Variants in SNTG1 observed in about 807,000 individuals in gnomAD.
SNTG1 encodes gamma-1-syntrophin.
In SNTG1, 39 loss-of-function variants were observed where a neutral mutation model predicts 74.7. The observed-to-expected ratio is 0.52, with a 90% CI of 0.40 to 0.68. SNTG1 has a LOEUF of 0.68. SNTG1 is among the 30% of genes least tolerant of loss of function. SNTG1 has a pLI of 0.00. For synonymous variants in SNTG1, 254 were observed against 217.1 expected (o/e 1.17, Z -1.49); for missense variants, 685 against 609.5 (o/e 1.12, Z -1.30).
At chr8:50,407,589 G>T (rs2092895343) in intron 4 of SNTG1, among the ~76,000 whole-genome samples, 1 of 152,174 alleles carries the variant, frequency 6.6e-6, no homozygotes, top group Non-Finnish European at 1.5e-5. Flanking sequence ...GATTGTCTTT[G>T]CCTGACACTT....
chr8:50,788,930 A>T (rs945621788), intron 18 of SNTG1, among the ~76,000 whole-genome samples: 1 of 152,038 alleles, frequency 6.6e-6, no homozygotes, highest in Non-Finnish European at 1.5e-5. Flanking sequence ...TCAAGAATAC[A>T]GTTTCTACAA....
At chr8:50,678,902 A>G (rs149121472) in intron 15 of SNTG1, among the ~76,000 whole-genome samples, 3 of 152,230 alleles carry the variant, frequency 2.0e-5, no homozygotes, top group African/African-American at 7.2e-5. Flanking sequence ...TTCCAAGGAT[A>G]TATCTAAAGA....
intron 3 of SNTG1, among the ~76,000 whole-genome samples, chr8:50,396,937 A>C (rs566725385): frequency 6.6e-6 from 1 of 152,356 alleles, no homozygotes; most frequent in Non-Finnish European, 1.5e-5. Context: ...ATGCAAATTC[A>C]TAAACATTTT....
intron 2 of SNTG1, chr8:50,380,978 C>T (rs7823310): frequency 0.93 from 140,943 of 152,144 alleles, 65,841 homozygotes; most frequent in Non-Finnish European, 1. Flanking sequence ...AGGTCAGTGA[C>T]GTAATAATAG....
At chr8:50,556,150 T>A (rs576474408) in intron 12 of SNTG1, among the ~76,000 whole-genome samples, 1 of 152,286 alleles carries the variant, frequency 6.6e-6, no homozygotes, top group Admixed American at 6.5e-5. Flanking sequence ...TTATTCAGAG[T>A]GGCTCCAAAA....
intron 1 of SNTG1, among the ~76,000 whole-genome samples, chr8:50,077,951 G>A (rs1822045102): frequency 6.6e-6 from 1 of 152,020 alleles, no homozygotes; most frequent in South Asian, 2.1e-4. Flanking sequence ...CTAAATGTGT[G>A]ATGTGTGTAT....
chr8:50,528,883 T>C (rs2094243608), intron 9 of SNTG1, among the ~76,000 whole-genome samples: 1 of 151,682 alleles, frequency 6.6e-6, no homozygotes, highest in Non-Finnish European at 1.5e-5. Context: ...ATTTTCTTTA[T>C]TATTTTCTCT....
chr8:50,641,962 G>T (rs1226139281), intron 13 of SNTG1, among the ~76,000 whole-genome samples: 1 of 152,176 alleles, frequency 6.6e-6, no homozygotes, highest in African/African-American at 2.4e-5. Flanking sequence ...TATCTGACAA[G>T]ACTAGACCAT....
chr8:50,634,702 G>A (rs943223805), intron 13 of SNTG1, among the ~76,000 whole-genome samples: 1 of 151,926 alleles, frequency 6.6e-6, no homozygotes, highest in African/African-American at 2.4e-5. Context: ...GTGCACATTG[G>A]TGGTATGAGT....
chr8:50,512,742 CTCGT>C (rs1214988556), intron 9 of SNTG1, among the ~76,000 whole-genome samples: 26 of 152,206 alleles, frequency 1.7e-4, no homozygotes, highest in Non-Finnish European at 3.1e-4. Context: ...TCATGTAGTT[CTCGT>C]ACCTTGGTTT....
intron 2 of SNTG1, among the ~76,000 whole-genome samples, chr8:50,273,710 T>A (rs565624438): frequency 1.4e-4 from 22 of 152,284 alleles, no homozygotes; most frequent in African/African-American, 5.1e-4. Context: ...GGGTTAACAA[T>A]GGTGGTGACG....
At chr8:50,729,341 A>G (rs1563787547) in intron 17 of SNTG1, among the ~76,000 whole-genome samples, 2 of 152,186 alleles carry the variant, frequency 1.3e-5, no homozygotes. Context: ...TTCTCTCTAC[A>G]AGGGCCTCTG....
At chr8:50,636,257 A>G (rs1470575167) in intron 13 of SNTG1, among the ~76,000 whole-genome samples, 2 of 151,446 alleles carry the variant, frequency 1.3e-5, no homozygotes, top group Non-Finnish European at 2.9e-5. Context: ...TCGAGGACAG[A>G]TGGTGCAGGC....
intron 2 of SNTG1, among the ~76,000 whole-genome samples, chr8:50,319,683 T>G (rs754269836): frequency 6.6e-5 from 10 of 152,210 alleles, no homozygotes; most frequent in Non-Finnish European, 1.2e-4. Context: ...TTTTTCCCCA[T>G]TCAGTATGAT....
intron 17 of SNTG1, among the ~76,000 whole-genome samples, chr8:50,727,785 A>G (rs556961939): frequency 6.6e-6 from 1 of 152,290 alleles, no homozygotes; most frequent in South Asian, 2.1e-4. Flanking sequence ...TCCTGTGGCT[A>G]TGGATGCTGA....
chr8:50,557,126 C>T (rs2094460365), intron 12 of SNTG1, among the ~76,000 whole-genome samples: 1 of 151,762 alleles, frequency 6.6e-6, no homozygotes, highest in African/African-American at 2.4e-5. Flanking sequence ...GGAGGCTGGG[C>T]CCAGCATGCA....
In SNTG1 at chr8:49,948,689, A is replaced by G. The variant is rs895142950; in HGVS notation, c.-103+36458A>G. Among the ~76,000 whole-genome samples the G allele has an allele frequency of 2.6e-5, 4 of 152,206 alleles. No homozygotes were observed. In the East Asian group the frequency reaches 7.7e-4, roughly 29 times the overall value. ...ATCCTCTGTCTCCTCTAGAGGCTGTATTTTGGTACAGTGTTCTTGGCTCAT... is the reference window on the plus strand; with the variant it reads ...ATCCTCTGTCTCCTCTAGAGGCTGTGTTTTGGTACAGTGTTCTTGGCTCAT... On this transcript the variant is annotated intron_variant, in intron 1 of 18. Transcript: ENST00000642720.
chr8:50,304,402 A>C (rs2089787144), intron 2 of SNTG1, among the ~76,000 whole-genome samples: 1 of 152,196 alleles, frequency 6.6e-6, no homozygotes, highest in South Asian at 2.1e-4. Flanking sequence ...AAGACATCTA[A>C]TCTCCACCAT....
intron 17 of SNTG1, 177 bp downstream of exon 17, chr8:50,709,155 A>G: frequency 3.4e-6 from 2 of 584,666 alleles, no homozygotes; most frequent in Non-Finnish European, 6.1e-6. Context: ...TTGAATTTTT[A>G]ATAAAACATA....
Sources: gnomAD v4.1 joint callset for allele counts (sites outside exome capture counted in the v4.1 genomes callset) on GRCh38, gnomAD v4.1.1 for gene constraint, MANE v1.5 for transcripts, NCBI Gene and HGNC (gene_info 2026-07-23, HGNC 2026-07-21) for gene names.